MTHFD1: variants seen among roughly 807,000 people sequenced by gnomAD.
The protein encoded by MTHFD1 is methylenetetrahydrofolate dehydrogenase, cyclohydrolase and formyltetrahydrofolate synthetase 1.
MTHFD1 carries 44 observed loss-of-function variants against 110.3 expected under a neutral mutation model. The observed-to-expected ratio is 0.40, with a 90% CI of 0.31 to 0.51. The LOEUF (loss-of-function observed/expected upper bound fraction) is 0.51, where lower values mean the gene tolerates loss of function less well. MTHFD1 is among the 20% of genes least tolerant of loss of function. The pLI is 0.60. For synonymous variants in MTHFD1, 402 were observed against 428.8 expected, an observed-to-expected ratio of 0.94 and a Z score of 0.77; for missense variants, 909 against 1,173.1, an observed-to-expected ratio of 0.77 and a Z score of 3.29.
At chr14:64,458,074 G>A in intron 26 of MTHFD1, 140 bp from the exon 27 acceptor site, 2 of 753,990 alleles carry the variant, frequency 2.7e-6, no homozygotes, top group Non-Finnish European at 2.4e-6. Flanking sequence ...ATTTCCTGTA[G>A]AGATGGGGGT....
rs534208188 is a variant in MTHFD1 at position 64,454,048 on chromosome 14, G to A, written c.2565+187G>A. On this transcript the variant is annotated intron_variant, in intron 25 of 27. Coordinates refer to ENST00000652337, the MANE Select transcript of MTHFD1 (RefSeq NM_005956.4). The stretch of plus-strand genomic sequence containing the variant: ...CCTGGTTCTTTATTTACCCATAGGC[G>A]TTATATGAATGTGTAGAAATCCATG... Among the ~76,000 whole-genome samples the A allele has an allele frequency of 7.9e-5, 12 of 152,268 alleles. No homozygotes were observed. In the South Asian group the frequency reaches 2.3e-3, roughly 29 times the overall value.
chr14:64,394,338 G>C lies in MTHFD1; in HGVS notation c.41+5870G>C, dbSNP rs572778490. Reference sequence around the variant, plus strand: ...CCATGGGCTTGTCATTGGCTTGCTAGAAGGAATTGCAAACTTCTACCCTCC... The same window carrying C: ...CCATGGGCTTGTCATTGGCTTGCTACAAGGAATTGCAAACTTCTACCCTCC... On this transcript the variant is annotated intron_variant, in intron 1 of 27. Coordinates refer to ENST00000652337, the MANE Select transcript of MTHFD1 (RefSeq NM_005956.4). 1.7e-4 allele frequency among the ~76,000 whole-genome samples: 26 copies of C among 152,278 alleles called. 1 individual carries two copies. The highest frequency in any genetic ancestry group is 1.6e-3 in the Admixed American group (25 of 15,302).
At chr14:64,405,354 GT>G (rs2140948956) in intron 2 of MTHFD1, among the ~76,000 whole-genome samples, 1 of 152,212 alleles carries the variant, frequency 6.6e-6, no homozygotes, top group East Asian at 1.9e-4. Flanking sequence ...CATAAACACT[GT>G]TCTACAGCTC....
intron 24 of MTHFD1, among the ~76,000 whole-genome samples, chr14:64,451,508 A>C (rs2078372618): frequency 6.6e-6 from 1 of 152,222 alleles, no homozygotes; most frequent in South Asian, 2.1e-4. Context: ...TTTATAGGCA[A>C]GTTTTAAAAT....
chr14:64,435,816 TC>T, intron 16 of MTHFD1, 145 bp downstream of exon 16: 1 of 694,476 alleles, frequency 1.4e-6, no homozygotes, highest in South Asian at 1.5e-5. Context: ...TGACATTATT[TC>T]TTTTTCTTGC....
intron 24 of MTHFD1, 83 bp from the exon 25 acceptor site, chr14:64,453,671 T>G: frequency 1.2e-6 from 1 of 806,978 alleles, no homozygotes; most frequent in Non-Finnish European, 2.2e-6. Context: ...TTAGGGACTC[T>G]GACCTAGAAT....
chr14:64,442,453 A>T, intron 21 of MTHFD1, 51 bp downstream of exon 21: 1 of 1,591,510 alleles, frequency 6.3e-7, no homozygotes, highest in Non-Finnish European at 8.6e-7. Flanking sequence ...TGACGGCCAA[A>T]AGGAAGTTGG....
intron 15 of MTHFD1, among the ~76,000 whole-genome samples, chr14:64,435,345 A>G (rs532757860): frequency 6.6e-5 from 10 of 152,088 alleles, no homozygotes; most frequent in Non-Finnish European, 1.5e-4. Flanking sequence ...CTCGTTGCTC[A>G]TTCCTGAATA....
At chr14:64,420,364 T>C (rs1458016622) in intron 8 of MTHFD1, among the ~76,000 whole-genome samples, 1 of 152,174 alleles carries the variant, frequency 6.6e-6, no homozygotes. Context: ...CCTGGGTTTT[T>C]TTCTAGGCTG....
At chr14:64,458,000 C>T (rs1359550455) in intron 26 of MTHFD1, 5 of 604,452 alleles carry the variant, frequency 8.3e-6, no homozygotes, top group South Asian at 1.9e-5. Flanking sequence ...AAGCAATCCT[C>T]CTGCCTTAGC....
In MTHFD1 at chr14:64,427,398, C is replaced by G. The variant is rs775052463; in HGVS notation, c.1189C>G (p.Leu397Val). 6.2e-7 allele frequency: 1 copy of G among 1,614,180 alleles called. No homozygotes were observed. The highest frequency in any genetic ancestry group is 1.1e-5 in the South Asian group (1 of 91,084). ...AACTACAATCGGGCTAGTGCAAGCC[C>G]TTGGTGCCCATCTCTACCAGAATGT... ...STTTIGLVQA[L>V]GAHLYQNVFA... Residue 397 changes from leucine (L) to valine (V), a missense_variant, in exon 12 of 28, where the codon CTT becomes GTT. Leu to Val is a conservative substitution (Grantham distance 32, BLOSUM62 1). Transcript: ENST00000652337.
intron 2 of MTHFD1, among the ~76,000 whole-genome samples, chr14:64,401,519 A>G (rs1471590357): frequency 1.3e-5 from 2 of 152,178 alleles, no homozygotes; most frequent in African/African-American, 2.4e-5. Flanking sequence ...CCTGGCCAAC[A>G]TGGTGAAACC....
chr14:64,417,288 A>G lies in MTHFD1; in HGVS notation c.479-600A>G, dbSNP rs1400049797. On this transcript the variant is annotated intron_variant, in intron 6 of 27. Transcript: ENST00000652337. This position sits in a 1 kb window ranked among gnomAD's most constrained non-coding sequence, Gnocchi z 4.4. ...AGTATGAGTCAGCCCTGAAAAGGAC[A>G]TTGGTATATTGCCAGAAAAATGGAT... Among the ~76,000 whole-genome samples, 1 of 152,222 alleles carries G rather than the reference A, an allele frequency of 6.6e-6. No individual in the cohort carries two copies. Among genetic ancestry groups the G allele is most frequent in the Non-Finnish European group, 1.5e-5 (1 of 68,032 alleles).
At chr14:64,443,915 G>C (rs779599912) in intron 21 of MTHFD1, among the ~76,000 whole-genome samples, 8 of 152,130 alleles carry the variant, frequency 5.3e-5, no homozygotes, top group Admixed American at 1.3e-4. Flanking sequence ...TACCTGTAAG[G>C]TCCTTGCTTC....
chr14:64,430,139 G>A, intron 12 of MTHFD1, 45 bp from the exon 13 acceptor site: 1 of 1,567,390 alleles, frequency 6.4e-7, no homozygotes, highest in Non-Finnish European at 8.8e-7. Flanking sequence ...TAAGTCATTG[G>A]AGAAGCATGC....
chr14:64,415,745 A>G lies in MTHFD1; in HGVS notation c.478+6A>G. The G allele has an allele frequency of 6.2e-7, 1 of 1,613,700 alleles. No homozygotes were observed. Among genetic ancestry groups the G allele is most frequent in the Non-Finnish European group, 8.5e-7 (1 of 1,179,710 alleles). ...GGAACTCATCAAAGAGACAGGTAAA[A>G]ACAACAAACCAAACAACAAGAAAGC... is the stretch of plus-strand genomic sequence containing the variant. On this transcript the variant is annotated splice_donor_region_variant and intron_variant, in intron 6 of 27. Coordinates refer to ENST00000652337, the MANE Select transcript of MTHFD1 (RefSeq NM_005956.4).
At chr14:64,446,051 G>GATT (rs1468612001) in intron 22 of MTHFD1, among the ~76,000 whole-genome samples, 1 of 152,066 alleles carries the variant, frequency 6.6e-6, no homozygotes, top group East Asian at 1.9e-4. Flanking sequence ...TTTGCTCGAT[G>GATT]ATTCAGTATA....
Position 64,415,227 on chromosome 14 carries a change from G to A in MTHFD1, c.241-131G>A, listed in dbSNP as rs1385928434. 5.4e-6 allele frequency: 4 copies of A among 744,872 alleles called. No individual in the cohort carries two copies. The East Asian group carries it at 7.7e-5, about 14-fold the overall frequency. The allele number at this position is 744,872 out of a possible 1,614,324, so 46.1% of individuals were successfully genotyped here. On this transcript the variant is annotated intron_variant, in intron 4 of 27. Coordinates refer to ENST00000652337, the MANE Select transcript of MTHFD1 (RefSeq NM_005956.4). ...GGTGCTCTCAGGATTCAAGGGGAAG[G>A]TACATTCTGAAAGGACTATAATTAA...
intron 13 of MTHFD1, 80 bp downstream of exon 13, chr14:64,430,310 T>A: frequency 1.5e-6 from 2 of 1,325,008 alleles, no homozygotes; most frequent in South Asian, 2.3e-5. Flanking sequence ...CTCCCTTTTT[T>A]TCCCCATGAC....
Sources: allele counts gnomAD v4.1 joint callset (sites outside exome capture counted in the v4.1 genomes callset), GRCh38; gene constraint gnomAD v4.1.1; non-coding constraint Gnocchi (gnomAD v3.1); transcripts MANE v1.5; gene names NCBI Gene and HGNC (gene_info 2026-07-23, HGNC 2026-07-21).